The following ZBTB16 variants were observed in gnomAD, a reference collection of about 807,000 sequenced individuals.
The protein encoded by ZBTB16 is zinc finger and BTB domain containing 16, also known as zinc finger and BTB domain-containing protein 16.
A neutral mutation model predicts 56.8 loss-of-function variants in ZBTB16; 8 were observed. The observed-to-expected ratio is 0.14, with a 90% CI of 0.08 to 0.25. ZBTB16 has a LOEUF of 0.25. Among genes scored for constraint, ZBTB16 ranks in the 10% least tolerant of loss-of-function variants. The probability of loss-of-function intolerance (pLI) is 1.00; values close to 1 mark genes in which losing one functional copy is unlikely to be tolerated. For synonymous variants in ZBTB16, 363 were observed against 368.5 expected, an observed-to-expected ratio of 0.98 and a Z score of 0.17; for missense variants, 625 against 903.0, an observed-to-expected ratio of 0.69 and a Z score of 3.95.
At chr11:114,130,476 A>G (rs1382147704) in intron 2 of ZBTB16, among the ~76,000 whole-genome samples, 2 of 152,228 alleles carry the variant, frequency 1.3e-5, no homozygotes, top group Non-Finnish European at 2.9e-5. Context: ...TGTATAATTC[A>G]TAAGTGTCAG....
chr11:114,102,167 G>C (rs192965836), intron 2 of ZBTB16, among the ~76,000 whole-genome samples: 1 of 152,220 alleles, frequency 6.6e-6, no homozygotes, highest in Admixed American at 6.5e-5. Context: ...CTGAAACATG[G>C]GTCTCAGCTG....
chr11:114,140,869 C>T (rs1941926111), intron 2 of ZBTB16, among the ~76,000 whole-genome samples: 1 of 152,172 alleles, frequency 6.6e-6, no homozygotes, highest in Non-Finnish European at 1.5e-5. Flanking sequence ...GAAACATTCT[C>T]CTTCTCAATT....
chr11:114,142,220 T>C (rs1291072880), intron 2 of ZBTB16, among the ~76,000 whole-genome samples: 1 of 152,188 alleles, frequency 6.6e-6, no homozygotes, highest in Non-Finnish European at 1.5e-5. Context: ...TAAGGCATTG[T>C]GTGGAGTATG....
intron 2 of ZBTB16, among the ~76,000 whole-genome samples, chr11:114,108,872 T>G (rs1376839950): frequency 6.6e-6 from 1 of 152,252 alleles, no homozygotes; most frequent in Non-Finnish European, 1.5e-5. Flanking sequence ...TAATGCCTTC[T>G]TGGATTTCTT....
At chr11:114,222,018 G>A (rs772978178) in intron 4 of ZBTB16, among the ~76,000 whole-genome samples, 18 of 152,128 alleles carry the variant, frequency 1.2e-4, no homozygotes, top group Non-Finnish European at 1.8e-4. Context: ...CTCTGCTGTC[G>A]CCTGCAGAGA....
At chr11:114,088,926 C>G (rs959822957) in intron 2 of ZBTB16, among the ~76,000 whole-genome samples, 2 of 152,288 alleles carry the variant, frequency 1.3e-5, no homozygotes, top group South Asian at 2.1e-4. Flanking sequence ...GGCCCCCCCA[C>G]ACAATGCCTG....
chr11:114,242,680 T>C (rs577648990), intron 5 of ZBTB16, among the ~76,000 whole-genome samples: 1 of 152,140 alleles, frequency 6.6e-6, no homozygotes, highest in Non-Finnish European at 1.5e-5. Context: ...CTCATGTAGG[T>C]AGACCCAAAA....
intron 2 of ZBTB16, among the ~76,000 whole-genome samples, chr11:114,084,652 C>T (rs1336257518): frequency 1.3e-5 from 2 of 152,130 alleles, no homozygotes; most frequent in East Asian, 1.9e-4. Flanking sequence ...GCCCCCACTC[C>T]GTGCATCATC....
intron 2 of ZBTB16, among the ~76,000 whole-genome samples, chr11:114,071,262 A>T (rs1286673385): frequency 0.017 from 73 of 4,374 alleles, no homozygotes; most frequent in African/African-American, 0.031. Context: ...TTTTTTTTTA[A>T]AATACTTTAA....
chr11:114,143,735 G>A lies in ZBTB16; in HGVS notation c.1269-12602G>A, dbSNP rs975230408. ...ACCGTCGCTGCATCATCTAAGCACAGGGCACCCAGGCGGGTAGCACAGGTG... is the reference window on the plus strand; with the variant it reads ...ACCGTCGCTGCATCATCTAAGCACAAGGCACCCAGGCGGGTAGCACAGGTG... On this transcript the variant is annotated intron_variant, in intron 2 of 6. Transcript: ENST00000335953. This position sits in a 1 kb window ranked among gnomAD's most constrained non-coding sequence, Gnocchi z 6.4. Among the ~76,000 whole-genome samples, 7 of 152,172 alleles carry A rather than the reference G, an allele frequency of 4.6e-5. No individual in the cohort carries two copies. Among genetic ancestry groups the A allele is most frequent in the South Asian group, 2.1e-4 (1 of 4,824 alleles).
chr11:114,093,513 G>T (rs933773696), intron 2 of ZBTB16, among the ~76,000 whole-genome samples: 1 of 152,168 alleles, frequency 6.6e-6, no homozygotes, highest in African/African-American at 2.4e-5. Context: ...AAACACCAAG[G>T]CAAGAAGAAG....
At chr11:114,106,933 C>G (rs920443521) in intron 2 of ZBTB16, among the ~76,000 whole-genome samples, 1 of 152,280 alleles carries the variant, frequency 6.6e-6, no homozygotes, top group East Asian at 1.9e-4. Context: ...CTCTCATAGC[C>G]CAGTCCCTGC....
chr11:114,071,067 C>G (rs1398212409), intron 2 of ZBTB16, among the ~76,000 whole-genome samples: 2 of 152,166 alleles, frequency 1.3e-5, no homozygotes, highest in Admixed American at 6.5e-5. Context: ...AAACTAGGCA[C>G]TTCAGTGAGC....
chr11:114,195,277 C>G (rs1409412926), intron 4 of ZBTB16, among the ~76,000 whole-genome samples: 3 of 152,110 alleles, frequency 2.0e-5, no homozygotes, highest in Non-Finnish European at 4.4e-5. Flanking sequence ...GCAAAGAGGC[C>G]ATGAGGGTGA....
In ZBTB16 at chr11:114,250,660, A is replaced by AG. The variant is rs1491261723; in HGVS notation, c.*105_*106insG. The stretch of plus-strand genomic sequence containing the variant: ...ATAAAAAAGGAAAAGAAAAAAAAAA[A>AG]CAGAAGGAAAAGGAAACCTGGTAGC... On this transcript the variant is annotated 3_prime_UTR_variant, in exon 7 of 7. Transcript: ENST00000335953. This position sits in a 1 kb window ranked among gnomAD's most constrained non-coding sequence, Gnocchi z 6.0. 23 of 1,303,974 alleles carry AG rather than the reference A, an allele frequency of 1.8e-5. No homozygotes were observed. Among genetic ancestry groups the AG allele is most frequent in the Non-Finnish European group, 2.0e-5 (19 of 944,816 alleles). 80.8% of individuals were successfully genotyped at this position (1,303,974 alleles called of 1,614,324 possible). A position where few individuals can be genotyped will look rare whatever the true frequency, so the allele number is the denominator to read the frequency against.
chr11:114,100,573 C>G (rs187380091), intron 2 of ZBTB16, among the ~76,000 whole-genome samples: 2 of 152,008 alleles, frequency 1.3e-5, no homozygotes, highest in African/African-American at 4.8e-5. Context: ...AAACTAAGAC[C>G]GATTTGAGCA....
At chr11:114,203,002 A>G (rs879356553) in intron 4 of ZBTB16, among the ~76,000 whole-genome samples, 4 of 152,260 alleles carry the variant, frequency 2.6e-5, no homozygotes, top group African/African-American at 7.2e-5. Context: ...AAACTTACTC[A>G]TGAACATTCA....
Position 114,250,183 on chromosome 11 carries a change from G to T in ZBTB16, c.1793-143G>T. ...TGACTGGTGGCTGCCGTCTTGGGTG[G>T]TGCCTTCATTGTCCCAGAAAGTTCT... On this transcript the variant is annotated intron_variant, in intron 6 of 6. Transcript: ENST00000335953. This position sits in a 1 kb window ranked among gnomAD's most constrained non-coding sequence, Gnocchi z 6.0. 1 of 829,802 alleles carries T rather than the reference G, an allele frequency of 1.2e-6. No homozygotes were observed. The highest frequency in any genetic ancestry group is 2.0e-6 in the Non-Finnish European group (1 of 496,988). The allele number at this position is 829,802 out of a possible 1,614,324, so 51.4% of individuals were successfully genotyped here. A position where few individuals can be genotyped will look rare whatever the true frequency, so the allele number is the denominator to read the frequency against.
At chr11:114,239,565 T>C (rs1047123570) in intron 4 of ZBTB16, among the ~76,000 whole-genome samples, 7 of 152,152 alleles carry the variant, frequency 4.6e-5, no homozygotes, top group Non-Finnish European at 8.8e-5. Context: ...TGGCATTGCT[T>C]CTGTCCAGAA....
Sources: gnomAD v4.1 joint callset for allele counts (sites outside exome capture counted in the v4.1 genomes callset) on GRCh38, gnomAD v4.1.1 for gene constraint, Gnocchi (gnomAD v3.1) non-coding constraint, MANE v1.5 for transcripts, NCBI Gene and HGNC (gene_info 2026-07-23, HGNC 2026-07-21) for gene names.